Variants in YBX3 observed in about 807,000 individuals in gnomAD.
YBX3 encodes Y-box-binding protein 3.
Under a neutral mutation model 42.4 loss-of-function variants are expected in YBX3, and 29 were observed. The observed-to-expected ratio is 0.68, with a 90% CI of 0.51 to 0.93. The LOEUF is 0.93. Among genes scored for constraint, YBX3 ranks in the 40% least tolerant of loss-of-function variants. The pLI, the probability that YBX3 is intolerant of heterozygous loss-of-function variation, is 0.00. For missense variants in YBX3, 517 were observed against 527.5 expected (o/e 0.98, Z 0.19); for synonymous variants, 195 against 189.8 (o/e 1.03, Z -0.22).
intron 5 of YBX3, chr12:10,712,618 T>C (rs898109693): frequency 2.6e-5 from 4 of 152,222 alleles, no homozygotes; most frequent in Non-Finnish European, 4.4e-5. Flanking sequence ...AAATTTTGAT[T>C]TTCTTAGAGG....
intron 9 of YBX3, among the ~76,000 whole-genome samples, chr12:10,699,915 C>G (rs927107652): frequency 6.6e-6 from 1 of 151,992 alleles, no homozygotes; most frequent in Non-Finnish European, 1.5e-5. Context: ...AAGAAAATTA[C>G]CATTACTAAT....
At chr12:10,699,998 C>T (rs866644881) in intron 9 of YBX3, among the ~76,000 whole-genome samples, 9 of 152,246 alleles carry the variant, frequency 5.9e-5, no homozygotes, top group Middle Eastern at 3.4e-3. Context: ...TAGCTATTTA[C>T]CAAATGTCAG....
At chr12:10,710,716 G>A (rs767359057) in intron 5 of YBX3, 1 of 537,440 alleles carries the variant, frequency 1.9e-6, no homozygotes, top group South Asian at 1.5e-5. Flanking sequence ...ATGACATGTG[G>A]TCTCTCAGCA....
intron 5 of YBX3, chr12:10,710,621 C>T (rs943362870): frequency 1.6e-6 from 2 of 1,228,794 alleles, no homozygotes; most frequent in African/African-American, 3.1e-5. Flanking sequence ...CGAGGTCAAA[C>T]TATTGCCATA....
chr12:10,723,318 CT>C lies in YBX3; in HGVS notation c.-208del. On this transcript the variant is annotated 5_prime_UTR_variant, in exon 1 of 10. Transcript: ENST00000228251. ...CTCTCTCTTGGGCTCCTCGCTCGAT[CT>C]TACTGCCCCAAAAATGGCCCCGCAC... 1.2e-6 allele frequency: 1 copy of C among 824,086 alleles called. No homozygotes were observed. Among genetic ancestry groups the C allele is most frequent in the Non-Finnish European group, 1.6e-6 (1 of 637,662 alleles). The allele number at this position is 824,086 out of a possible 1,614,324, so 51.0% of individuals were successfully genotyped here.
chr12:10,713,450 G>A, intron 4 of YBX3, 117 bp from the exon 5 acceptor site: 1 of 1,275,120 alleles, frequency 7.8e-7, no homozygotes, highest in Non-Finnish European at 1.1e-6. Flanking sequence ...TTCCCACTGT[G>A]ATTTTAAAAA....
intron 4 of YBX3, among the ~76,000 whole-genome samples, chr12:10,714,309 C>A (rs1948234653): frequency 1.3e-5 from 2 of 152,144 alleles, no homozygotes. Flanking sequence ...AGGGAGTTAA[C>A]CTCTCATCCA....
chr12:10,706,099 C>T lies in YBX3; in HGVS notation c.781-1951G>A, dbSNP rs1948133797. ...TAGACAGAACCATGGAACACACACACACAATGTTACACATATATGTGTGTC... is the reference window on the plus strand; with the variant it reads ...TAGACAGAACCATGGAACACACACATACAATGTTACACATATATGTGTGTC... On this transcript the variant is annotated intron_variant, in intron 6 of 9. Transcript: ENST00000228251. Among the ~76,000 whole-genome samples, 3 of 152,200 alleles carry T rather than the reference C, an allele frequency of 2.0e-5. No individual in the cohort carries two copies. The South Asian group carries it at 6.2e-4, about 32-fold the overall frequency.
At chr12:10,716,150 G>A (rs1591582031) in intron 3 of YBX3, 1 of 177,274 alleles carries the variant, frequency 5.6e-6, no homozygotes, top group Non-Finnish European at 1.2e-5. Context: ...TCCGGAGGAG[G>A]AAAGGAGGCA....
chr12:10,720,456 T>A (rs1255181840), intron 1 of YBX3, among the ~76,000 whole-genome samples: 2 of 152,078 alleles, frequency 1.3e-5, no homozygotes, highest in East Asian at 3.9e-4. Context: ...AGATCTCTCA[T>A]CTCTCCAAAG....
At chr12:10,716,415 C>T (rs1203345042) in intron 3 of YBX3, among the ~76,000 whole-genome samples, 1 of 152,166 alleles carries the variant, frequency 6.6e-6, no homozygotes, top group Admixed American at 6.5e-5. Context: ...GATATTTATT[C>T]AACTTTTCTC....
chr12:10,711,754 A>G (rs1948202994), intron 5 of YBX3: 1 of 152,222 alleles, frequency 6.6e-6, no homozygotes, highest in South Asian at 2.1e-4. Context: ...TTGTTTCTTA[A>G]GCGTTTTAAC....
In YBX3 at chr12:10,709,891, C is replaced by T; in HGVS notation, c.780+17G>A. Reference sequence around the variant, plus strand: ...AGGGTGAGGATTGCTGAAGAGAAGTCTCAGTTGCAATTTTACCTGTATTCT... The same window carrying T: ...AGGGTGAGGATTGCTGAAGAGAAGTTTCAGTTGCAATTTTACCTGTATTCT... On this transcript the variant is annotated intron_variant, in intron 6 of 9. Transcript: ENST00000228251. 2 of 1,613,450 alleles carry T rather than the reference C, an allele frequency of 1.2e-6. No individual in the cohort carries two copies. Among genetic ancestry groups the T allele is most frequent in the Non-Finnish European group, 1.7e-6 (2 of 1,179,938 alleles).
At position 10,722,865 on chromosome 12, in the gene YBX3, C is replaced by T. The variant is rs537091643; in HGVS notation, c.247G>A (p.Glu83Lys). ...LATAAGSEDA[E>K]KKVLATKVLG... Reference sequence around the variant, plus strand: ...CCTGACTCACCGAGAACTTTTTTCTCCGCGTCTTCGCTGCCGGCGGCGGTG... The same window carrying T: ...CCTGACTCACCGAGAACTTTTTTCTTCGCGTCTTCGCTGCCGGCGGCGGTG... The change falls in exon 1 of 10, where the codon GAG (glutamate) becomes AAG (lysine). Residue 83 changes from glutamate to lysine, a missense_variant. Physicochemically the swap from Glu to Lys is moderately conservative, Grantham distance 56. Around this residue, in one of 3 missense-constraint regions of YBX3, gnomAD observed 420 missense variants for 408.5 expected, o/e 1.03. Coordinates refer to ENST00000228251, the MANE Select transcript of YBX3 (RefSeq NM_003651.5). The T allele has an allele frequency of 6.0e-6, 9 of 1,493,482 alleles. No homozygotes were observed. The East Asian group carries it at 1.9e-4, about 32-fold the overall frequency. The allele number at this position is 1,493,482 out of a possible 1,614,324, so 92.5% of individuals were successfully genotyped here.
Position 10,722,942 on chromosome 12 carries a change from C to A in YBX3, c.170G>T (p.Gly57Val), listed in dbSNP as rs1385597962. The change falls in exon 1 of 10, where the codon GGT becomes GTT. Residue 57 changes from glycine to valine, a missense_variant. Around this residue, in one of 3 missense-constraint regions of YBX3, gnomAD observed 86 missense variants for 82.5 expected, o/e 1.04. Transcript: ENST00000228251. ...APAAHVAGNP[G>V]GDAAPAATGT... ...CGTGGCTGCGGGGGCCGCGTCCCCA[C>A]CGGGGTTTCCTGCGACGTGGGCGGC... is the stretch of plus-strand genomic sequence containing the variant. 7.0e-6 allele frequency: 9 copies of A among 1,292,160 alleles called. No homozygotes were observed. The East Asian group carries it at 9.4e-5, about 13-fold the overall frequency. 80.0% of individuals were successfully genotyped at this position (1,292,160 alleles called of 1,614,324 possible).
chr12:10,711,147 T>C (rs1948195734), intron 5 of YBX3: 1 of 152,146 alleles, frequency 6.6e-6, no homozygotes, highest in Non-Finnish European at 1.5e-5. Flanking sequence ...TACCGATTCA[T>C]TTTATATTTT....
Position 10,719,099 on chromosome 12 carries a change from C to T in YBX3, c.307G>A (p.Gly103Arg). 1 of 1,613,380 alleles carries T rather than the reference C, an allele frequency of 6.2e-7. No homozygotes were observed. The highest frequency in any genetic ancestry group is 8.5e-7 in the Non-Finnish European group (1 of 1,179,642). Residue 103 changes from glycine to arginine, a missense_variant, in exon 2 of 10, where the codon GGA (glycine) becomes AGA (arginine). By Grantham distance (125) the Gly-to-Arg change is moderately radical. Around this residue, in one of 3 missense-constraint regions of YBX3, gnomAD observed 420 missense variants for 408.5 expected, o/e 1.03. Transcript: ENST00000228251. ...GTVKWFNVRN[G>R]YGFINRNDTK... ...ACATACCGATTTATAAATCCATATCCATTTCTGACGTTGAACCATTTGACA... is the reference window on the plus strand; with the variant it reads ...ACATACCGATTTATAAATCCATATCTATTTCTGACGTTGAACCATTTGACA...
At chr12:10,722,596 C>G (rs1369906489) in intron 1 of YBX3, among the ~76,000 whole-genome samples, 1 of 152,238 alleles carries the variant, frequency 6.6e-6, no homozygotes, top group Non-Finnish European at 1.5e-5. Flanking sequence ...AACTTTCTGG[C>G]CCGGAACCAG....
In YBX3 at chr12:10,713,266, T is replaced by A; in HGVS notation, c.518A>T (p.Asp173Val). 6.2e-7 allele frequency: 1 copy of A among 1,614,042 alleles called. No homozygotes were observed. The highest frequency in any genetic ancestry group is 8.5e-7 in the Non-Finnish European group (1 of 1,180,020). ...GTAGCCACGTCTGTAACGGCGCCGA[T>A]CTGCAGCGTAACGACTCCCTTCCAC... ...VPVEGSRYAADRRRYRRGYYG... is the reference protein window; with the variant it reads ...VPVEGSRYAAVRRRYRRGYYG... The change falls in exon 5 of 10, where the codon GAT (aspartate) becomes GTT (valine). Residue 173 changes from aspartate to valine, a missense_variant. Transcript: ENST00000228251.
Sources: gnomAD v4.1 joint callset for allele counts (sites outside exome capture counted in the v4.1 genomes callset) on GRCh38, gnomAD v4.1.1 for gene constraint, gnomAD v4.1.1 regional missense constraint, MANE v1.5 for transcripts, NCBI Gene and HGNC (gene_info 2026-07-23, HGNC 2026-07-21) for gene names.